The following COL5A2 variants were observed in gnomAD, a reference collection of about 807,000 sequenced individuals.
The protein encoded by COL5A2 is collagen alpha-2(V) chain.
A neutral mutation model predicts 208.2 loss-of-function variants in COL5A2; 23 were observed. The ratio of observed to expected loss-of-function variants is 0.11; its 90% CI spans 0.08 to 0.16. The LOEUF (loss-of-function observed/expected upper bound fraction) is 0.16, where lower values mean the gene tolerates loss of function less well. Ranked by LOEUF, COL5A2 falls within the 10% of genes least tolerant of loss-of-function variation. COL5A2 has a pLI of 1.00. For missense variants in COL5A2, 1,590 were observed against 1,956.4 expected (o/e 0.81, Z 3.53); for synonymous variants, 625 against 628.5 (o/e 0.99, Z 0.08).
chr2:189,101,802 C>T (rs1471459586), intron 3 of COL5A2, among the ~76,000 whole-genome samples: 1 of 151,940 alleles, frequency 6.6e-6, no homozygotes, highest in African/African-American at 2.4e-5. Context: ...GGAAAGGGCT[C>T]TCCAGAAGCA....
chr2:189,094,463 A>G (rs899265724), intron 6 of COL5A2, among the ~76,000 whole-genome samples: 1 of 151,406 alleles, frequency 6.6e-6, no homozygotes, highest in Non-Finnish European at 1.5e-5. Context: ...AATCTACAAT[A>G]AAAAAGTACT....
intron 1 of COL5A2, among the ~76,000 whole-genome samples, chr2:189,178,353 T>C (rs1028782281): frequency 1.3e-5 from 2 of 152,046 alleles, no homozygotes; most frequent in Non-Finnish European, 2.9e-5. Flanking sequence ...CAGAAGCAGA[T>C]ATTTGTTCTA....
intron 1 of COL5A2, among the ~76,000 whole-genome samples, chr2:189,153,654 T>C (rs1034025027): frequency 2.6e-5 from 4 of 152,080 alleles, no homozygotes; most frequent in Admixed American, 6.6e-5. Flanking sequence ...TTTTACTACA[T>C]GTAATTACTG....
chr2:189,078,423 T>C (rs1686458952), intron 16 of COL5A2, 93 bp downstream of exon 16: 2 of 983,568 alleles, frequency 2.0e-6, no homozygotes, highest in Non-Finnish European at 3.3e-6. Flanking sequence ...CCAGTACTAT[T>C]ACTTTCATTT....
the COL5A2 span, among the ~76,000 whole-genome samples, chr2:189,244,909 C>T: frequency 4.6e-5 from 7 of 152,160 alleles, no homozygotes; most frequent in African/African-American, 1.7e-4. Flanking sequence ...GCTGGAGAGG[C>T]CTCACAATCA....
the COL5A2 span, among the ~76,000 whole-genome samples, chr2:189,426,598 G>T: frequency 3.9e-5 from 6 of 152,196 alleles, no homozygotes; most frequent in Admixed American, 3.9e-4. Context: ...GACCTCCTGA[G>T]GCTGCGTCAT....
chr2:189,179,350 A>C (rs1429903878), intron 1 of COL5A2, among the ~76,000 whole-genome samples, 158 bp downstream of exon 1: 1 of 152,098 alleles, frequency 6.6e-6, no homozygotes, highest in Admixed American at 6.6e-5. Context: ...CAAACATCCC[A>C]ATTGTCTTTC....
chr2:189,294,027 G>A, the COL5A2 span, among the ~76,000 whole-genome samples: 1 of 150,932 alleles, frequency 6.6e-6, no homozygotes, highest in African/African-American at 2.4e-5. Flanking sequence ...AGCGGAGCTT[G>A]CAGTGAGCTG....
intron 1 of COL5A2, among the ~76,000 whole-genome samples, chr2:189,151,703 T>A (rs569486301): frequency 6.9e-4 from 105 of 152,286 alleles, no homozygotes; most frequent in African/African-American, 2.5e-3. Context: ...TAAAACCCAC[T>A]AGTGTACCTT....
chr2:189,191,161 A>AAAAAAAAAAAAAAAAAAAAAAAAC (rs1688920231), intron 1 of COL5A2, among the ~76,000 whole-genome samples: 1 of 125,890 alleles, frequency 7.9e-6, no homozygotes, highest in Non-Finnish European at 1.8e-5. Flanking sequence ...ACAAAAAACA[A>AAAAAAAAAAAAAAAAAAAAAAAAC]ACAAACAACA....
chr2:189,137,034 G>A (rs1687840011), intron 1 of COL5A2, among the ~76,000 whole-genome samples: 1 of 152,100 alleles, frequency 6.6e-6, no homozygotes, highest in African/African-American at 2.4e-5. Flanking sequence ...CTTTAGTGTA[G>A]TAGAAATCTA....
chr2:189,301,644 G>A, the COL5A2 span, among the ~76,000 whole-genome samples: 8 of 152,024 alleles, frequency 5.3e-5, no homozygotes, highest in African/African-American at 7.2e-5. Flanking sequence ...CTGGTTTTAC[G>A]GCATGAGTTA....
chr2:189,097,262 C>T lies in COL5A2; in HGVS notation c.456+15G>A. The stretch of plus-strand genomic sequence containing the variant: ...GGCTGTACGTTCCCCACAAGGAGCC[C>T]TCCTGTCAACTTACAGGTCTTCCTT... On this transcript the variant is annotated intron_variant, in intron 6 of 53. Transcript: ENST00000374866. 6.2e-7 allele frequency: 1 copy of T among 1,613,874 alleles called. No individual in the cohort carries two copies. The highest frequency in any genetic ancestry group is 1.6e-4 in the Middle Eastern group (1 of 6,062).
At chr2:189,195,936 A>G (rs915297427) in intron 1 of COL5A2, among the ~76,000 whole-genome samples, 1 of 152,220 alleles carries the variant, frequency 6.6e-6, no homozygotes, top group African/African-American at 2.4e-5. Flanking sequence ...CAATTGCGAC[A>G]AAAGCAAAAA....
the COL5A2 span, among the ~76,000 whole-genome samples, chr2:189,413,499 C>T: frequency 6.6e-6 from 1 of 152,118 alleles, no homozygotes; most frequent in East Asian, 1.9e-4. Flanking sequence ...TAATAGTCCA[C>T]TGAGGTCTTC....
At chr2:189,110,763 AAG>A (rs1429028689) in intron 1 of COL5A2, among the ~76,000 whole-genome samples, 2 of 152,146 alleles carry the variant, frequency 1.3e-5, no homozygotes, top group African/African-American at 4.8e-5. Context: ...AATATCAATA[AAG>A]AGGGATAAAA....
At chr2:189,372,344 C>T in the COL5A2 span, among the ~76,000 whole-genome samples, 257 of 152,258 alleles carry the variant, frequency 1.7e-3, no homozygotes, top group African/African-American at 5.7e-3. Context: ...AAATTTTAGC[C>T]ACTCAAAGTA....
chr2:189,177,865 T>A (rs1162739477), intron 1 of COL5A2, among the ~76,000 whole-genome samples: 1 of 152,226 alleles, frequency 6.6e-6, no homozygotes, highest in Non-Finnish European at 1.5e-5. Flanking sequence ...TCCTTTCATT[T>A]ATTCACATAT....
At chr2:189,061,103 A>G (rs1439474873) in intron 30 of COL5A2, among the ~76,000 whole-genome samples, 1 of 152,146 alleles carries the variant, frequency 6.6e-6, no homozygotes, top group East Asian at 1.9e-4. Flanking sequence ...GACTGCTAGA[A>G]TATTATTTAA....
Sources: allele counts gnomAD v4.1 joint callset (sites outside exome capture counted in the v4.1 genomes callset), GRCh38; gene constraint gnomAD v4.1.1; transcripts MANE v1.5; gene names NCBI Gene and HGNC (gene_info 2026-07-23, HGNC 2026-07-21).